The following LEPROTL1 variants were observed in gnomAD, a reference collection of about 807,000 sequenced individuals.
LEPROTL1 encodes leptin receptor overlapping transcript-like 1.
LEPROTL1 carries 6 observed loss-of-function variants against 15.4 expected under a neutral mutation model. The ratio of observed to expected loss-of-function variants is 0.39; its 90% confidence interval spans 0.21 to 0.77. The LOEUF is 0.77. Ranked by LOEUF, LEPROTL1 falls within the 30% of genes least tolerant of loss-of-function variation. LEPROTL1 has a pLI of 0.41. For synonymous variants in LEPROTL1, 56 were observed against 52.6 expected (o/e 1.06, Z -0.28); for missense variants, 128 against 158.1 (o/e 0.81, Z 1.02).
chr8:30,111,724 A>G (rs1484041586), downstream of LEPROTL1, among the ~76,000 whole-genome samples: 1 of 152,176 alleles, frequency 6.6e-6, no homozygotes, highest in Non-Finnish European at 1.5e-5. Flanking sequence ...GAGTTCACGG[A>G]AGGGAAAGAT....
Position 30,100,849 on chromosome 8 carries a change from C to CTGTGTGTGTGTGTGTG in LEPROTL1, c.17-1045_17-1030dup, listed in dbSNP as rs113757454. Among the ~76,000 whole-genome samples, 116 of 150,852 alleles carry CTGTGTGTGTGTGTGTG rather than the reference C, an allele frequency of 7.7e-4. 2 individuals are homozygous for CTGTGTGTGTGTGTGTG. The East Asian group carries it at 0.01, about 14-fold the overall frequency. ...CGTGAGAGCACCTTAAAATGTACTGCTGTGTGTGTGTGTGTGTGTCTGTGT... is the reference window on the plus strand; with the variant it reads ...CGTGAGAGCACCTTAAAATGTACTGCTGTGTGTGTGTGTGTGTGTGTGTGTGTGTGTGTGTCTGTGT... On this transcript the variant is annotated intron_variant, in intron 1 of 3. Transcript: ENST00000321250.
At chr8:30,097,722 C>CACACACAT (rs1802395935) in intron 1 of LEPROTL1, among the ~76,000 whole-genome samples, 1 of 148,406 alleles carries the variant, frequency 6.7e-6, no homozygotes, top group Admixed American at 6.8e-5. Flanking sequence ...CACACACACA[C>CACACACAT]ACACATATTT....
At chr8:30,137,927 A>G (rs143827502), downstream of LEPROTL1, 68 of 221,156 alleles carry the variant, frequency 3.1e-4, 1 homozygote, top group East Asian at 6.0e-3. Flanking sequence ...AAGGCCTAAC[A>G]TCAGTGCTTG....
chr8:30,103,744 A>G (rs1802510098), intron 2 of LEPROTL1, among the ~76,000 whole-genome samples: 1 of 151,234 alleles, frequency 6.6e-6, no homozygotes, highest in South Asian at 2.1e-4. Flanking sequence ...TCTGTCTCAA[A>G]AAAAAAAAAA....
chr8:30,137,209 A>T, intron 4 of LEPROTL1: 1 of 1,218,590 alleles, frequency 8.2e-7, no homozygotes, highest in Non-Finnish European at 1.2e-6. Context: ...CATCTCAGGG[A>T]TCTTGCTGAT....
chr8:30,119,943 C>T (rs1326192250), intron 3 of LEPROTL1, among the ~76,000 whole-genome samples: 1 of 152,100 alleles, frequency 6.6e-6, no homozygotes, highest in African/African-American at 2.4e-5. Context: ...GTGGCGTATG[C>T]TTGTAATCCC....
chr8:30,113,698 C>A (rs1286010018), intron 3 of LEPROTL1, among the ~76,000 whole-genome samples: 1 of 152,290 alleles, frequency 6.6e-6, no homozygotes, highest in South Asian at 2.1e-4. Flanking sequence ...GAGCAGCCAC[C>A]GGGCCCTCTG....
At chr8:30,101,670 C>CAAAAAAAAA (rs11316779) in intron 1 of LEPROTL1, among the ~76,000 whole-genome samples, 1 of 52,712 alleles carries the variant, frequency 1.9e-5, no homozygotes, top group African/African-American at 7.2e-5. Flanking sequence ...CTCCATCTCA[C>CAAAAAAAAA]AAAAAAAAAA....
chr8:30,113,159 C>T (rs1802680254), downstream of LEPROTL1, among the ~76,000 whole-genome samples: 1 of 151,680 alleles, frequency 6.6e-6, no homozygotes, highest in Admixed American at 6.6e-5. Context: ...GACTGTAATC[C>T]CAGCTACTCC....
rs1345449458 is a variant in LEPROTL1, at chr8:30,107,073, C to T, written c.*1211C>T. The T allele has an allele frequency of 1.0e-6, 1 of 974,528 alleles. No individual in the cohort carries two copies. The highest frequency in any genetic ancestry group is 1.2e-6 in the Non-Finnish European group (1 of 820,076). The allele number at this position is 974,528 out of a possible 1,614,324, so 60.4% of individuals were successfully genotyped here. On this transcript the variant is annotated 3_prime_UTR_variant, in exon 4 of 4. Coordinates refer to ENST00000321250, the MANE Select transcript of LEPROTL1 (RefSeq NM_015344.3). ...TAGTTCTTATTCTCTAAGGTTATAT[C>T]ATATGTAATTTAAAAGTATTTTTAA...
chr8:30,109,814 A>ATTCTTTG (rs1372208031), downstream of LEPROTL1, among the ~76,000 whole-genome samples: 9 of 152,216 alleles, frequency 5.9e-5, no homozygotes, highest in African/African-American at 1.7e-4. Context: ...TCTTACACAA[A>ATTCTTTG]TGAAATGCTT....
intron 3 of LEPROTL1, among the ~76,000 whole-genome samples, chr8:30,124,305 A>G (rs1443626772): frequency 6.6e-6 from 1 of 152,112 alleles, no homozygotes; most frequent in East Asian, 1.9e-4. Flanking sequence ...TTATCTACCC[A>G]GTAGTCTCTT....
chr8:30,104,312 C>T lies in LEPROTL1; in HGVS notation c.105C>T (p.Pro35=). 1 of 1,500,564 alleles carries T rather than the reference C, an allele frequency of 6.7e-7. No individual in the cohort carries two copies. Among genetic ancestry groups the T allele is most frequent in the Non-Finnish European group, 8.9e-7 (1 of 1,118,752 alleles). 93.0% of individuals were successfully genotyped at this position (1,500,564 alleles called of 1,614,324 possible). A position where few individuals can be genotyped will look rare whatever the true frequency, so the allele number is the denominator to read the frequency against. The change falls in exon 3 of 4, where the codon CCC becomes CCT. Residue 35 remains proline, a synonymous_variant. Transcript: ENST00000321250. ...TTTCTTTTTCTAGCAAATACTGGCCCCTCTTTGTTCTATTTTTTTACATCC... is the reference window on the plus strand; with the variant it reads ...TTTCTTTTTCTAGCAAATACTGGCCTCTCTTTGTTCTATTTTTTTACATCC... ...CALPIYNKYW[P]LFVLFFYILS...
At position 30,104,335 on chromosome 8, in the gene LEPROTL1, T is replaced by C. The variant is rs759199394; in HGVS notation, c.128T>C (p.Ile43Thr). ...CCCCTCTTTGTTCTATTTTTTTACATCCTTTCACCTATTCCATACTGCATA... is the reference window on the plus strand; with the variant it reads ...CCCCTCTTTGTTCTATTTTTTTACACCCTTTCACCTATTCCATACTGCATA... ...YWPLFVLFFY[I>T]LSPIPYCIAR... is the part of the protein sequence containing the mutation. Residue 43 changes from isoleucine to threonine, a missense_variant, in exon 3 of 4, where the codon ATC becomes ACC. Ile to Thr is a moderately conservative substitution (Grantham distance 89). Transcript: ENST00000321250. The C allele has an allele frequency of 6.4e-7, 1 of 1,565,858 alleles. No homozygotes were observed. The highest frequency in any genetic ancestry group is 2.3e-5 in the East Asian group (1 of 43,238).
downstream of LEPROTL1, chr8:30,137,838 T>C (rs1803181403): frequency 6.4e-6 from 2 of 313,578 alleles, no homozygotes; most frequent in Non-Finnish European, 1.2e-5. Flanking sequence ...TTAGAAATTA[T>C]GGTTTAGGAG....
At chr8:30,108,834 G>C (rs998787921), downstream of LEPROTL1, among the ~76,000 whole-genome samples, 1 of 152,078 alleles carries the variant, frequency 6.6e-6, no homozygotes, top group Non-Finnish European at 1.5e-5. Flanking sequence ...TGCCATGCTG[G>C]CCACACTGGT....
chr8:30,113,198 C>G (rs1420739475), downstream of LEPROTL1, among the ~76,000 whole-genome samples: 1 of 151,836 alleles, frequency 6.6e-6, no homozygotes, highest in Admixed American at 6.6e-5. Flanking sequence ...ATCGCTTGAA[C>G]CTGGGAGGCA....
intron 2 of LEPROTL1, among the ~76,000 whole-genome samples, chr8:30,102,652 CAAAAA>C (rs199960893): frequency 9.9e-6 from 1 of 101,126 alleles, no homozygotes; most frequent in African/African-American, 3.7e-5. Context: ...ACTCTGTTTC[CAAAAA>C]AAAAAAAAAA....
chr8:30,118,018 T>TTTG (rs1802769389), intron 3 of LEPROTL1, among the ~76,000 whole-genome samples: 1 of 89,852 alleles, frequency 1.1e-5, no homozygotes. Context: ...TTTTTTGATT[T>TTTG]GTTTTTTTTT....
Sources: allele counts gnomAD v4.1 joint callset (sites outside exome capture counted in the v4.1 genomes callset), GRCh38; gene constraint gnomAD v4.1.1; transcripts MANE v1.5; gene names NCBI Gene and HGNC (gene_info 2026-07-23, HGNC 2026-07-21).